ZFHX3: variants seen among roughly 807,000 people sequenced by gnomAD.
ZFHX3 encodes the protein zinc finger homeobox protein 3.
Under a neutral mutation model 279.1 loss-of-function variants are expected in ZFHX3, and 42 were observed. That is an observed-to-expected ratio of 0.15 (90% CI 0.12 to 0.19). The LOEUF is 0.19. ZFHX3 is among the 10% of genes least tolerant of loss of function. The pLI, the probability that ZFHX3 is intolerant of heterozygous loss-of-function variation, is 1.00. For missense variants in ZFHX3, 4,981 were observed against 4,754.0 expected, an observed-to-expected ratio of 1.05 and a Z score of -1.40; for synonymous variants, 2,293 against 1,957.8, an observed-to-expected ratio of 1.17 and a Z score of -4.52.
At chr16:73,592,132 C>T (rs1056826883) in intron 2 of ZFHX3, among the ~76,000 whole-genome samples, 3 of 151,970 alleles carry the variant, frequency 2.0e-5, no homozygotes, top group African/African-American at 7.3e-5. Context: ...CTGGGAGAGG[C>T]CAAGACAGGA....
At chr16:73,635,463 A>T (rs1336323939) in intron 2 of ZFHX3, among the ~76,000 whole-genome samples, 1 of 152,244 alleles carries the variant, frequency 6.6e-6, no homozygotes, top group Non-Finnish European at 1.5e-5. Context: ...CATGCAACTC[A>T]GTGTTCCAAC....
chr16:72,996,638 T>G (rs1597070145), intron 1 of ZFHX3, among the ~76,000 whole-genome samples: 1 of 152,228 alleles, frequency 6.6e-6, no homozygotes, highest in East Asian at 1.9e-4. Flanking sequence ...GCTGGGGGCG[T>G]GGGAACCCCG....
At chr16:73,076,046 C>T (rs535456727) in intron 8 of ZFHX3, among the ~76,000 whole-genome samples, 1 of 152,296 alleles carries the variant, frequency 6.6e-6, no homozygotes, top group East Asian at 1.9e-4. Context: ...ATCACTTAAT[C>T]CTCACTGTGT....
intron 1 of ZFHX3, among the ~76,000 whole-genome samples, chr16:73,890,714 T>C (rs1291530059): frequency 6.6e-6 from 1 of 152,192 alleles, no homozygotes; most frequent in Non-Finnish European, 1.5e-5. Context: ...CATCGTCCTA[T>C]TTAAATAAAA....
intron 3 of ZFHX3, among the ~76,000 whole-genome samples, chr16:72,948,215 G>T (rs1390017202): frequency 6.6e-6 from 1 of 152,190 alleles, no homozygotes; most frequent in Non-Finnish European, 1.5e-5. Flanking sequence ...TTTGGCTCCT[G>T]ACGGAGGCAA....
At chr16:73,012,896 C>T (rs929877656) in intron 1 of ZFHX3, among the ~76,000 whole-genome samples, 1 of 152,124 alleles carries the variant, frequency 6.6e-6, no homozygotes, top group African/African-American at 2.4e-5. Context: ...AGAGGCCAGC[C>T]AAGGAATGAA....
intron 1 of ZFHX3, among the ~76,000 whole-genome samples, chr16:73,774,266 A>C (rs2054052079): frequency 6.6e-6 from 1 of 152,152 alleles, no homozygotes; most frequent in South Asian, 2.1e-4. Context: ...TTTACTATTC[A>C]CTGTAGAATC....
At chr16:73,415,689 C>T (rs559608795) in intron 3 of ZFHX3, among the ~76,000 whole-genome samples, 4 of 152,310 alleles carry the variant, frequency 2.6e-5, no homozygotes, top group South Asian at 2.1e-4. Context: ...CTGTCTGTCC[C>T]GTCACCGCCC....
At chr16:73,150,427 C>T (rs964390330) in intron 5 of ZFHX3, among the ~76,000 whole-genome samples, 10 of 152,118 alleles carry the variant, frequency 6.6e-5, no homozygotes, top group Non-Finnish European at 1.5e-4. Flanking sequence ...CTCAGTGTGT[C>T]CTCATCAATA....
chr16:73,028,210 C>A (rs1439224954), intron 1 of ZFHX3, among the ~76,000 whole-genome samples: 1 of 152,190 alleles, frequency 6.6e-6, no homozygotes, highest in Non-Finnish European at 1.5e-5. Flanking sequence ...CAGCCATGTT[C>A]ATGTGGGAAA....
intron 2 of ZFHX3, among the ~76,000 whole-genome samples, chr16:73,509,956 A>G (rs555816856): frequency 6.6e-6 from 1 of 152,200 alleles, no homozygotes; most frequent in East Asian, 1.9e-4. Context: ...TCAGCGTCCT[A>G]AAGTTCTGGG....
At chr16:73,423,494 G>A (rs768009569) in intron 3 of ZFHX3, among the ~76,000 whole-genome samples, 41 of 152,276 alleles carry the variant, frequency 2.7e-4, no homozygotes, top group East Asian at 1.5e-3. Flanking sequence ...TCAGTGATGC[G>A]TTTAGGTCTG....
chr16:73,820,123 T>C (rs1960691918), intron 1 of ZFHX3, among the ~76,000 whole-genome samples: 1 of 152,120 alleles, frequency 6.6e-6, no homozygotes, highest in South Asian at 2.1e-4. Context: ...AGAGTCTTGC[T>C]CTGTCGCCCA....
intron 4 of ZFHX3, among the ~76,000 whole-genome samples, chr16:73,301,758 CTTT>C (rs559715399): frequency 4.3e-5 from 6 of 140,092 alleles, no homozygotes; most frequent in Admixed American, 7.2e-5. Flanking sequence ...TTGATTCCAG[CTTT>C]TTTTTTTTTT....
intron 5 of ZFHX3, among the ~76,000 whole-genome samples, chr16:73,245,698 G>A (rs2013260395): frequency 1.3e-5 from 2 of 152,150 alleles, no homozygotes; most frequent in African/African-American, 2.4e-5. Context: ...CCCTACCTGG[G>A]CCCTTCCAGA....
chr16:73,327,820 A>G (rs1416790926), intron 3 of ZFHX3, among the ~76,000 whole-genome samples: 1 of 152,196 alleles, frequency 6.6e-6, no homozygotes, highest in Admixed American at 6.5e-5. Context: ...CACCGTAGAC[A>G]GTTTTGTTTC....
chr16:73,876,095 C>T (rs2029937731), intron 1 of ZFHX3, among the ~76,000 whole-genome samples: 1 of 152,150 alleles, frequency 6.6e-6, no homozygotes, highest in South Asian at 2.1e-4. Flanking sequence ...GCTAAAGCCA[C>T]AGCGTATGAA....
At chr16:73,121,430 T>C (rs560181848) in intron 7 of ZFHX3, among the ~76,000 whole-genome samples, 253 of 152,312 alleles carry the variant, frequency 1.7e-3, no homozygotes, top group African/African-American at 5.8e-3. Flanking sequence ...TACTGGAATA[T>C]TTAAAATTAC....
intron 2 of ZFHX3, among the ~76,000 whole-genome samples, chr16:73,481,962 A>G (rs2018877769): frequency 6.6e-6 from 1 of 152,202 alleles, no homozygotes; most frequent in Non-Finnish European, 1.5e-5. Flanking sequence ...CAATAAATCA[A>G]GTCCAGTGTA....
Sources: gnomAD v4.1 joint callset for allele counts (sites outside exome capture counted in the v4.1 genomes callset) on GRCh38, gnomAD v4.1.1 for gene constraint, MANE v1.5 for transcripts, NCBI Gene and HGNC (gene_info 2026-07-23, HGNC 2026-07-21) for gene names.